The following P3H2 variants were observed in gnomAD, a reference collection of about 807,000 sequenced individuals.
The protein encoded by P3H2 is leprecan-like 1.
A neutral mutation model predicts 87.0 loss-of-function variants in P3H2; 80 were observed. That is an observed-to-expected ratio of 0.92 (90% CI 0.77 to 1.11). P3H2 has a LOEUF of 1.11. P3H2 is among the 50% of genes least tolerant of loss of function. The pLI is 0.00. For synonymous variants in P3H2, 367 were observed against 359.3 expected (o/e 1.02, Z -0.24); for missense variants, 1,001 against 923.9 (o/e 1.08, Z -1.08).
intron 1 of P3H2, among the ~76,000 whole-genome samples, chr3:190,081,618 G>A (rs574073702): frequency 6.6e-6 from 1 of 152,294 alleles, no homozygotes; most frequent in South Asian, 2.1e-4. Context: ...CTAGTGACAA[G>A]TGACTACCGT....
At chr3:190,067,159 A>G (rs1726539286) in intron 1 of P3H2, among the ~76,000 whole-genome samples, 1 of 151,442 alleles carries the variant, frequency 6.6e-6, no homozygotes, top group Admixed American at 6.6e-5. Context: ...TCTTACATTT[A>G]CCTATTATTT....
At chr3:189,992,757 T>C (rs1723916013) in intron 3 of P3H2, among the ~76,000 whole-genome samples, 1 of 152,328 alleles carries the variant, frequency 6.6e-6, no homozygotes. Context: ...ATTAAATAGA[T>C]AAAAATATGT....
intron 1 of P3H2, among the ~76,000 whole-genome samples, chr3:190,092,783 A>C (rs927177584): frequency 4.0e-5 from 6 of 151,482 alleles, no homozygotes; most frequent in African/African-American, 1.5e-4. Context: ...AAAGAGGAAA[A>C]GAAGGGGCAA....
At chr3:189,993,701 G>A (rs74606857) in intron 3 of P3H2, among the ~76,000 whole-genome samples, 3,223 of 152,120 alleles carry the variant, frequency 0.021, 93 homozygotes, top group African/African-American at 0.065. Flanking sequence ...ATTATGATGC[G>A]TTTATATAAC....
At chr3:190,055,740 T>C (rs558876678) in intron 1 of P3H2, among the ~76,000 whole-genome samples, 42 of 152,260 alleles carry the variant, frequency 2.8e-4, no homozygotes, top group African/African-American at 9.4e-4. Context: ...GAATACAATA[T>C]CATTCTCAAT....
At chr3:190,096,552 T>C (rs977407353) in intron 1 of P3H2, among the ~76,000 whole-genome samples, 1 of 152,320 alleles carries the variant, frequency 6.6e-6, no homozygotes, top group African/African-American at 2.4e-5. Context: ...AGTTCATACA[T>C]AGCAGTGTGA....
intron 1 of P3H2, among the ~76,000 whole-genome samples, chr3:190,056,789 A>T (rs1191867204): frequency 6.6e-6 from 1 of 152,192 alleles, no homozygotes; most frequent in African/African-American, 2.4e-5. Context: ...AAGGAGCTGG[A>T]TTAGAAAAGC....
chr3:190,013,438 T>C (rs1478135321), intron 1 of P3H2, among the ~76,000 whole-genome samples: 1 of 152,192 alleles, frequency 6.6e-6, no homozygotes, highest in East Asian at 1.9e-4. Context: ...CAGTTGAAGA[T>C]CTGTTAGCAA....
chr3:189,976,267 T>C lies in P3H2; in HGVS notation c.1325-1582A>G, dbSNP rs376138911. On this transcript the variant is annotated intron_variant, in intron 8 of 14. Coordinates refer to ENST00000319332, the MANE Select transcript of P3H2 (RefSeq NM_018192.4). ...TTGGCCTTTGTATCAGTCCATTTTC[T>C]TGCTGCTAATAAACACATACCTGAG... 2.5e-3 allele frequency among the ~76,000 whole-genome samples: 384 copies of C among 152,310 alleles called. 2 individuals carry two copies. Among genetic ancestry groups the C allele is most frequent in the South Asian group, 0.02 (98 of 4,820 alleles).
Position 189,983,115 on chromosome 3 carries a change from C to CTGAA in P3H2, c.1254_1255insTTCA (p.Gly419PhefsTer31), listed in dbSNP as rs778767309. The stretch of plus-strand genomic sequence containing the variant: ...ATTGAGAATCCATGAACTTCTGCTC[C>CTGAA]CTCTACGTTCACTCCTGAAGGGACC... On this transcript the variant is annotated frameshift_variant, in exon 8 of 15. Transcript: ENST00000319332. LOFTEE classifies it high-confidence loss of function. 4 of 1,613,834 alleles carry CTGAA rather than the reference C, an allele frequency of 2.5e-6. No individual in the cohort carries two copies. The East Asian group carries it at 8.9e-5, about 36-fold the overall frequency.
At chr3:190,027,207 G>A (rs79996861) in intron 1 of P3H2, among the ~76,000 whole-genome samples, 5,026 of 152,292 alleles carry the variant, frequency 0.033, 249 homozygotes, top group African/African-American at 0.11. Context: ...GAGGCCTGTA[G>A]TTTTAAACTA....
intron 1 of P3H2, among the ~76,000 whole-genome samples, chr3:190,113,338 C>G (rs1463952291): frequency 6.7e-6 from 1 of 149,562 alleles, no homozygotes; most frequent in Admixed American, 6.6e-5. Flanking sequence ...CTCTTTCAAG[C>G]TATAGCATTT....
Position 189,986,773 on chromosome 3 carries a change from C to T in P3H2, c.1188+15G>A, listed in dbSNP as rs747810564. On this transcript the variant is annotated intron_variant, in intron 6 of 14. Coordinates refer to ENST00000319332, the MANE Select transcript of P3H2 (RefSeq NM_018192.4). ...TGAATCATTATTTTAATAAACGTTT[C>T]CTCTTTCCTCTTACCGGTTCAGTGT... The T allele has an allele frequency of 5.9e-6, 9 of 1,535,668 alleles. No individual in the cohort carries two copies. In the East Asian group the frequency reaches 1.6e-4, roughly 27 times the overall value.
intron 1 of P3H2, among the ~76,000 whole-genome samples, chr3:190,038,918 G>A (rs997989624): frequency 1.3e-5 from 2 of 152,156 alleles, no homozygotes; most frequent in South Asian, 2.1e-4. Context: ...GGCCAGGTGC[G>A]GTGGTTCACG....
intron 1 of P3H2, among the ~76,000 whole-genome samples, chr3:190,058,135 T>C (rs1249267929): frequency 6.6e-6 from 1 of 152,122 alleles, no homozygotes; most frequent in African/African-American, 2.4e-5. Flanking sequence ...CCTGACTTAA[T>C]ATAATTTAGG....
chr3:190,066,601 T>G (rs1238103573), intron 1 of P3H2, among the ~76,000 whole-genome samples: 1 of 152,092 alleles, frequency 6.6e-6, no homozygotes. Flanking sequence ...CTTACTCATG[T>G]AACTGAACAC....
intron 1 of P3H2, among the ~76,000 whole-genome samples, chr3:190,017,862 G>C (rs910916156): frequency 6.6e-6 from 1 of 152,200 alleles, no homozygotes; most frequent in African/African-American, 2.4e-5. Flanking sequence ...GGCCCCAAGA[G>C]GGCAGAAAAG....
intron 1 of P3H2, among the ~76,000 whole-genome samples, chr3:190,035,049 G>A (rs2594181): frequency 0.8 from 122,226 of 151,854 alleles, 49,243 homozygotes; most frequent in East Asian, 0.86. Context: ...GTGTTTCACC[G>A]TATTGGTCTG....
intron 1 of P3H2, among the ~76,000 whole-genome samples, chr3:190,112,449 C>T (rs543186560): frequency 4.6e-5 from 7 of 152,242 alleles, no homozygotes; most frequent in East Asian, 1.9e-4. Context: ...ATATCTATGA[C>T]GGTTTATCAG....
Sources: gnomAD v4.1 joint callset for allele counts (sites outside exome capture counted in the v4.1 genomes callset) on GRCh38, gnomAD v4.1.1 for gene constraint, MANE v1.5 for transcripts, NCBI Gene and HGNC (gene_info 2026-07-23, HGNC 2026-07-21) for gene names.